The following CDK14 variants were observed in gnomAD, a reference collection of about 807,000 sequenced individuals.
The protein encoded by CDK14 is cyclin-dependent kinase 14.
A neutral mutation model predicts 60.7 loss-of-function variants in CDK14; 34 were observed. The ratio of observed to expected loss-of-function variants is 0.56; its 90% CI spans 0.43 to 0.75. CDK14 has a LOEUF of 0.75. CDK14 is among the 30% of genes least tolerant of loss of function. The pLI is 0.00. For missense variants in CDK14, 482 were observed against 564.1 expected (o/e 0.85, Z 1.47); for synonymous variants, 197 against 203.7 (o/e 0.97, Z 0.28).
intron 11 of CDK14, among the ~76,000 whole-genome samples, chr7:91,053,918 C>T (rs1797471768): frequency 6.6e-6 from 1 of 152,078 alleles, no homozygotes; most frequent in Non-Finnish European, 1.5e-5. Context: ...GTCATGTCTG[C>T]TCCATCCAGC....
intron 1 of CDK14, chr7:90,597,121 T>G: frequency 5.4e-6 from 1 of 183,896 alleles, no homozygotes; most frequent in Non-Finnish European, 1.1e-5. Context: ...AATTTAGCTT[T>G]GGAAATTGGT....
chr7:91,002,311 C>G (rs1036602698), intron 10 of CDK14, among the ~76,000 whole-genome samples: 1 of 152,092 alleles, frequency 6.6e-6, no homozygotes, highest in Non-Finnish European at 1.5e-5. Flanking sequence ...TTCATTTTCT[C>G]CACACTAGTT....
chr7:91,201,565 G>A lies in CDK14; in HGVS notation c.*29-5600G>A, dbSNP rs117581810. Among the ~76,000 whole-genome samples the A allele has an allele frequency of 3.9e-3, 592 of 151,938 alleles. 4 individuals carry two copies. Among genetic ancestry groups the A allele is most frequent in the Middle Eastern group, 0.027 (8 of 294 alleles). On this transcript the variant is annotated intron_variant, in intron 14 of 14. Transcript: ENST00000380050. ...AACAACAAAACACAGTCAAACAAAC[G>A]GAGAACCTTAGAGTGCATAAATAGG...
chr7:90,777,564 G>T (rs997093460), intron 4 of CDK14, among the ~76,000 whole-genome samples: 1 of 152,164 alleles, frequency 6.6e-6, no homozygotes, highest in African/African-American at 2.4e-5. Flanking sequence ...GCAGAGCTAG[G>T]CATTGTTGTT....
chr7:91,031,812 T>C (rs1796768593), intron 10 of CDK14, among the ~76,000 whole-genome samples: 1 of 152,228 alleles, frequency 6.6e-6, no homozygotes, highest in Non-Finnish European at 1.5e-5. Context: ...ATAGGAAATA[T>C]CCATATGGGA....
chr7:90,898,649 A>T (rs530621129), intron 6 of CDK14, among the ~76,000 whole-genome samples: 136 of 152,112 alleles, frequency 8.9e-4, no homozygotes, highest in Non-Finnish European at 1.7e-3. Context: ...TTACTTGTGG[A>T]CAAATCGAGC....
intron 14 of CDK14, among the ~76,000 whole-genome samples, chr7:91,144,849 A>G (rs769894632): frequency 1.4e-4 from 21 of 152,138 alleles, no homozygotes; most frequent in Non-Finnish European, 2.4e-4. Flanking sequence ...AGAAAAACAT[A>G]AGCAACTTCT....
chr7:90,898,301 G>A (rs1192086522), intron 6 of CDK14, among the ~76,000 whole-genome samples: 1 of 152,022 alleles, frequency 6.6e-6, no homozygotes, highest in Non-Finnish European at 1.5e-5. Flanking sequence ...AAAATTACAT[G>A]ATGAATGATG....
intron 14 of CDK14, among the ~76,000 whole-genome samples, chr7:91,183,075 A>G (rs777990622): frequency 6.6e-6 from 1 of 152,216 alleles, no homozygotes; most frequent in South Asian, 2.1e-4. Context: ...TTCAGGATAT[A>G]TGATTCAAAG....
chr7:90,946,244 T>A (rs1049172214), intron 8 of CDK14, among the ~76,000 whole-genome samples: 2 of 152,256 alleles, frequency 1.3e-5, no homozygotes, highest in African/African-American at 4.8e-5. Flanking sequence ...TTAATGTATT[T>A]TTGAAAATAT....
intron 2 of CDK14, among the ~76,000 whole-genome samples, chr7:90,706,374 A>G (rs1801895632): frequency 6.6e-6 from 1 of 152,008 alleles, no homozygotes; most frequent in Non-Finnish European, 1.5e-5. Flanking sequence ...TTTCCACTCT[A>G]CATATGTCCA....
chr7:91,086,274 A>G (rs1798636383), intron 12 of CDK14, among the ~76,000 whole-genome samples: 1 of 152,198 alleles, frequency 6.6e-6, no homozygotes, highest in Non-Finnish European at 1.5e-5. Context: ...TGCAGGGGGA[A>G]TAGTGGAAAT....
chr7:90,959,089 G>A (rs1794521157), intron 9 of CDK14, among the ~76,000 whole-genome samples: 1 of 152,012 alleles, frequency 6.6e-6, no homozygotes, highest in South Asian at 2.1e-4. Flanking sequence ...AAGATAGCTT[G>A]GACACTTTCT....
chr7:90,960,184 T>C (rs1794559757), intron 9 of CDK14, among the ~76,000 whole-genome samples: 1 of 152,096 alleles, frequency 6.6e-6, no homozygotes, highest in African/African-American at 2.4e-5. Flanking sequence ...ATAGGGTTAA[T>C]TTTTAAAATA....
chr7:91,199,926 T>A (rs1478866088), intron 14 of CDK14, among the ~76,000 whole-genome samples: 5 of 152,212 alleles, frequency 3.3e-5, no homozygotes, highest in Non-Finnish European at 5.9e-5. Flanking sequence ...TGTGTTCTCT[T>A]CTAGGGGGAA....
At chr7:90,648,697 G>A (rs1166418391) in intron 2 of CDK14, among the ~76,000 whole-genome samples, 1 of 152,100 alleles carries the variant, frequency 6.6e-6, no homozygotes, top group Admixed American at 6.5e-5. Context: ...GGGAAGCTAG[G>A]AATCTATTAA....
rs189025388 is a variant in CDK14, at chr7:91,114,957, A to G, written c.1294+2276A>G. ...TATCTAGGTTAGTATTCTGCAGAGT[A>G]TATTTAGAAGTTTTTTAAATTTTTA... is the stretch of plus-strand genomic sequence containing the variant. On this transcript the variant is annotated intron_variant, in intron 13 of 14. Coordinates refer to ENST00000380050, the MANE Select transcript of CDK14 (RefSeq NM_001287135.2). Among the ~76,000 whole-genome samples the G allele has an allele frequency of 2.9e-3, 447 of 152,272 alleles. 2 individuals carry two copies. The highest frequency in any genetic ancestry group is 9.7e-3 in the African/African-American group (404 of 41,540).
chr7:90,788,376 G>C (rs747049016), intron 4 of CDK14, among the ~76,000 whole-genome samples: 3 of 152,192 alleles, frequency 2.0e-5, no homozygotes, highest in Non-Finnish European at 4.4e-5. Flanking sequence ...GCAGTCTCCA[G>C]CTGAACCCCA....
chr7:90,652,234 T>C (rs1800659622), intron 2 of CDK14, among the ~76,000 whole-genome samples: 1 of 152,230 alleles, frequency 6.6e-6, no homozygotes, highest in Non-Finnish European at 1.5e-5. Flanking sequence ...AAGTACTTGC[T>C]GAGAAGGGAT....
Sources: gnomAD v4.1 joint callset for allele counts (sites outside exome capture counted in the v4.1 genomes callset) on GRCh38, gnomAD v4.1.1 for gene constraint, MANE v1.5 for transcripts, NCBI Gene and HGNC (gene_info 2026-07-23, HGNC 2026-07-21) for gene names.